CRCP: variants seen among roughly 807,000 people sequenced by gnomAD.
CRCP encodes CGRP receptor component.
Under a neutral mutation model 18.5 loss-of-function variants are expected in CRCP, and 18 were observed. The ratio of observed to expected loss-of-function variants is 0.97; its 90% CI spans 0.67 to 1.44. The LOEUF (loss-of-function observed/expected upper bound fraction) is 1.44. Among genes scored for constraint, CRCP ranks in the 40% most tolerant of loss-of-function variants. CRCP has a pLI of 0.00. For synonymous variants in CRCP, 53 were observed against 62.9 expected, an observed-to-expected ratio of 0.84 and a Z score of 0.75; for missense variants, 130 against 176.4, an observed-to-expected ratio of 0.74 and a Z score of 1.49.
At chr7:66,119,178 G>A (rs1225099679) in intron 1 of CRCP, among the ~76,000 whole-genome samples, 1 of 152,142 alleles carries the variant, frequency 6.6e-6, no homozygotes, top group South Asian at 2.1e-4. Flanking sequence ...ATTACTGTGA[G>A]GTTGGCCATG....
At chr7:66,132,716 C>A (rs1787845026) in intron 3 of CRCP, among the ~76,000 whole-genome samples, 1 of 151,804 alleles carries the variant, frequency 6.6e-6, no homozygotes, top group South Asian at 2.1e-4. Flanking sequence ...GAGATCGAGA[C>A]CACGGTGAAA....
intron 2 of CRCP, among the ~76,000 whole-genome samples, chr7:66,129,008 G>C (rs1485909240): frequency 1.3e-5 from 2 of 152,034 alleles, no homozygotes; most frequent in East Asian, 1.9e-4. Flanking sequence ...AGCTCAGCCT[G>C]GGAAACCTAG....
chr7:66,124,348 A>C (rs1787553410), intron 1 of CRCP, among the ~76,000 whole-genome samples: 1 of 152,122 alleles, frequency 6.6e-6, no homozygotes, highest in South Asian at 2.1e-4. Context: ...AGACAGAGCG[A>C]GACTCCTTCT....
chr7:66,124,512 C>G, intron 1 of CRCP, among the ~76,000 whole-genome samples: 1 of 148,322 alleles, frequency 6.7e-6, no homozygotes, highest in African/African-American at 2.5e-5. Context: ...CCCTCCCTCC[C>G]TTCCTTCCTT....
At chr7:66,118,131 C>G (rs1787327739) in intron 1 of CRCP, among the ~76,000 whole-genome samples, 1 of 152,210 alleles carries the variant, frequency 6.6e-6, no homozygotes, top group South Asian at 2.1e-4. Context: ...GCGTGTGCCA[C>G]CACGCCCAGC....
intron 5 of CRCP, among the ~76,000 whole-genome samples, chr7:66,146,170 A>G (rs1015426977): frequency 1.3e-5 from 2 of 152,156 alleles, no homozygotes; most frequent in African/African-American, 4.8e-5. Context: ...CAGAGATCAC[A>G]TCTAAAACCA....
At chr7:66,123,670 C>T (rs1257768359) in intron 1 of CRCP, among the ~76,000 whole-genome samples, 7 of 151,432 alleles carry the variant, frequency 4.6e-5, no homozygotes, top group Non-Finnish European at 1.0e-4. Flanking sequence ...ATCGCTTGAA[C>T]TCGGGAAGTG....
chr7:66,131,207 C>T (rs1220209743), intron 3 of CRCP, among the ~76,000 whole-genome samples: 1 of 152,126 alleles, frequency 6.6e-6, no homozygotes, highest in African/African-American at 2.4e-5. Context: ...ATCTCCTGAC[C>T]TCGTGATCCG....
intron 4 of CRCP, among the ~76,000 whole-genome samples, chr7:66,143,830 AAAGC>A (rs1788209540): frequency 6.6e-6 from 1 of 152,192 alleles, no homozygotes; most frequent in Non-Finnish European, 1.5e-5. Flanking sequence ...TTCCACATGG[AAAGC>A]AAGCAATAAA....
intron 1 of CRCP, among the ~76,000 whole-genome samples, chr7:66,116,124 T>C (rs1787254179): frequency 6.6e-6 from 1 of 151,632 alleles, no homozygotes; most frequent in Non-Finnish European, 1.5e-5. Flanking sequence ...TTAAACACAA[T>C]ATGTCTGTGT....
At chr7:66,116,083 G>A (rs1404535265) in intron 1 of CRCP, among the ~76,000 whole-genome samples, 1 of 152,172 alleles carries the variant, frequency 6.6e-6, no homozygotes, top group East Asian at 1.9e-4. Context: ...GCAGGCGTGA[G>A]CCACTTCACC....
chr7:66,140,868 G>A (rs910166915), intron 4 of CRCP, among the ~76,000 whole-genome samples: 1 of 152,106 alleles, frequency 6.6e-6, no homozygotes, highest in Non-Finnish European at 1.5e-5. Flanking sequence ...GACAAATACT[G>A]TTCAAAAAAC....
intron 1 of CRCP, among the ~76,000 whole-genome samples, chr7:66,122,517 C>G (rs1324570946): frequency 6.6e-6 from 1 of 152,008 alleles, no homozygotes; most frequent in East Asian, 1.9e-4. Context: ...ATCCACTTGA[C>G]TCACCATTTT....
chr7:66,130,942 T>C, intron 3 of CRCP, 100 bp downstream of exon 3: 2 of 723,388 alleles, frequency 2.8e-6, no homozygotes, highest in East Asian at 5.0e-5. Context: ...GCTTTTTATA[T>C]GATCTGAATG....
At chr7:66,120,390 G>C (rs1426145979) in intron 1 of CRCP, among the ~76,000 whole-genome samples, 1 of 152,146 alleles carries the variant, frequency 6.6e-6, no homozygotes, top group Non-Finnish European at 1.5e-5. Flanking sequence ...TCTTGTAACA[G>C]CCTGTCCCCT....
chr7:66,138,935 A>G (rs1051976958), intron 4 of CRCP, among the ~76,000 whole-genome samples: 2 of 151,540 alleles, frequency 1.3e-5, no homozygotes, highest in Non-Finnish European at 2.9e-5. Flanking sequence ...TATGTTTCTT[A>G]CTACATTTGT....
chr7:66,123,077 C>A (rs962299771), intron 1 of CRCP, among the ~76,000 whole-genome samples: 1 of 151,692 alleles, frequency 6.6e-6, no homozygotes, highest in Non-Finnish European at 1.5e-5. Flanking sequence ...GCCTCAGCCT[C>A]CTGAGTAGCT....
At chr7:66,143,231 G>A (rs1485581153) in intron 4 of CRCP, among the ~76,000 whole-genome samples, 1 of 152,190 alleles carries the variant, frequency 6.6e-6, no homozygotes, top group Non-Finnish European at 1.5e-5. Flanking sequence ...CCCAGGGGGT[G>A]TTACAATGCA....
chr7:66,122,497 A>C (rs1231519509), intron 1 of CRCP, among the ~76,000 whole-genome samples: 3 of 152,074 alleles, frequency 2.0e-5, no homozygotes, highest in African/African-American at 7.2e-5. Context: ...TTCCTCAAGT[A>C]GTTGTTTACA....
Sources: allele counts gnomAD v4.1 joint callset (sites outside exome capture counted in the v4.1 genomes callset), GRCh38; gene constraint gnomAD v4.1.1; transcripts MANE v1.5; gene names NCBI Gene and HGNC (gene_info 2026-07-23, HGNC 2026-07-21).